TMEM132D: variants seen among roughly 807,000 people sequenced by gnomAD.
TMEM132D encodes the protein mature OL transmembrane protein.
Under a neutral mutation model 62.3 loss-of-function variants are expected in TMEM132D, and 21 were observed. That is an observed-to-expected ratio of 0.34 (90% CI 0.24 to 0.49). The LOEUF is 0.49. Among genes scored for constraint, TMEM132D ranks in the 20% least tolerant of loss-of-function variants. The pLI is 0.99. For synonymous variants in TMEM132D, 621 were observed against 575.6 expected (o/e 1.08, Z -1.13); for missense variants, 1,346 against 1,402.8 (o/e 0.96, Z 0.65).
At chr12:129,173,421 T>C (rs1200048511) in intron 5 of TMEM132D, among the ~76,000 whole-genome samples, 2 of 152,214 alleles carry the variant, frequency 1.3e-5, no homozygotes, top group Non-Finnish European at 2.9e-5. Context: ...TAATGATAGG[T>C]TATTTCTCAT....
intron 1 of TMEM132D, among the ~76,000 whole-genome samples, chr12:129,900,866 A>T (rs1309473835): frequency 2.6e-5 from 4 of 152,188 alleles, no homozygotes; most frequent in Non-Finnish European, 4.4e-5. Flanking sequence ...GTCATACCAT[A>T]CTTCCTAGGT....
intron 5 of TMEM132D, among the ~76,000 whole-genome samples, chr12:129,091,608 C>T (rs1385201084): frequency 6.6e-6 from 1 of 151,666 alleles, no homozygotes; most frequent in Non-Finnish European, 1.5e-5. Context: ...GAGACCCTAC[C>T]TATCCTCACT....
chr12:129,187,748 A>G (rs1878258192), intron 5 of TMEM132D, among the ~76,000 whole-genome samples: 1 of 152,188 alleles, frequency 6.6e-6, no homozygotes, highest in Admixed American at 6.5e-5. Context: ...ATCCTTCCAA[A>G]TAGGACAAAA....
chr12:129,780,353 G>A (rs1042000256), intron 1 of TMEM132D, among the ~76,000 whole-genome samples: 2 of 151,890 alleles, frequency 1.3e-5, no homozygotes, highest in South Asian at 2.1e-4. Context: ...GGGGGGCCGG[G>A]GGGGCACAAA....
At chr12:129,761,301 C>T (rs1870368024) in intron 1 of TMEM132D, among the ~76,000 whole-genome samples, 1 of 152,198 alleles carries the variant, frequency 6.6e-6, no homozygotes, top group African/African-American at 2.4e-5. Flanking sequence ...ACGGTGGGCA[C>T]GGTTCCTGCA....
At chr12:129,836,567 A>T (rs1873012581) in intron 1 of TMEM132D, among the ~76,000 whole-genome samples, 1 of 152,112 alleles carries the variant, frequency 6.6e-6, no homozygotes, top group Non-Finnish European at 1.5e-5. Flanking sequence ...ATATTACCCA[A>T]GTATATGCTA....
intron 5 of TMEM132D, among the ~76,000 whole-genome samples, chr12:129,112,828 G>T (rs892104395): frequency 6.6e-6 from 1 of 152,162 alleles, no homozygotes; most frequent in Non-Finnish European, 1.5e-5. Flanking sequence ...AACAGTGCTA[G>T]CTTAGAGAAT....
intron 3 of TMEM132D, among the ~76,000 whole-genome samples, chr12:129,488,864 C>G (rs1252028776): frequency 6.6e-6 from 1 of 152,016 alleles, no homozygotes; most frequent in Admixed American, 6.6e-5. Context: ...TCTCTTCTCC[C>G]CAAAGCACCT....
chr12:129,726,867 C>T (rs1214912866), intron 1 of TMEM132D, among the ~76,000 whole-genome samples: 2 of 152,126 alleles, frequency 1.3e-5, no homozygotes, highest in African/African-American at 4.8e-5. Flanking sequence ...AACTCTGGCC[C>T]TGAATAGCAG....
chr12:129,274,528 C>T (rs1880951213), intron 4 of TMEM132D, among the ~76,000 whole-genome samples: 1 of 152,072 alleles, frequency 6.6e-6, no homozygotes, highest in South Asian at 2.1e-4. Flanking sequence ...TTTTTTTAAA[C>T]AAAGAGCAGT....
At chr12:129,628,704 G>T (rs1367562672) in intron 2 of TMEM132D, among the ~76,000 whole-genome samples, 2 of 152,094 alleles carry the variant, frequency 1.3e-5, no homozygotes, top group African/African-American at 4.8e-5. Flanking sequence ...TGTTACTAAG[G>T]AAAAGCACAG....
chr12:129,153,176 G>T (rs1162155148), intron 5 of TMEM132D, among the ~76,000 whole-genome samples: 1 of 152,094 alleles, frequency 6.6e-6, no homozygotes, highest in East Asian at 1.9e-4. Flanking sequence ...CTGTTGTCCT[G>T]ACTGGACTTT....
At chr12:129,830,699 T>C (rs2137333672) in intron 1 of TMEM132D, among the ~76,000 whole-genome samples, 1 of 152,264 alleles carries the variant, frequency 6.6e-6, no homozygotes, top group Admixed American at 6.5e-5. Context: ...CACTCGTCCT[T>C]AACTTTGGGA....
At chr12:129,318,205 G>A (rs141545023) in intron 4 of TMEM132D, among the ~76,000 whole-genome samples, 1 of 152,154 alleles carries the variant, frequency 6.6e-6, no homozygotes, top group Non-Finnish European at 1.5e-5. Context: ...TTTCGAAGGG[G>A]TATTGAAGAG....
chr12:129,133,402 T>C (rs1876437930), intron 5 of TMEM132D, among the ~76,000 whole-genome samples: 1 of 152,224 alleles, frequency 6.6e-6, no homozygotes, highest in Non-Finnish European at 1.5e-5. Context: ...TAATCAAATA[T>C]TATTCAGCCT....
At chr12:129,829,667 C>A (rs906529999) in intron 1 of TMEM132D, among the ~76,000 whole-genome samples, 1 of 152,136 alleles carries the variant, frequency 6.6e-6, no homozygotes, top group Non-Finnish European at 1.5e-5. Flanking sequence ...AGGACTAAGT[C>A]TCAGGTGCGA....
In TMEM132D at chr12:129,295,641, C is replaced by G. The variant is rs138973716; in HGVS notation, c.1299+41993G>C. Among the ~76,000 whole-genome samples, 211 of 152,072 alleles carry G rather than the reference C, an allele frequency of 1.4e-3. 1 individual carries two copies. The highest frequency in any genetic ancestry group is 2.9e-3 in the Admixed American group (44 of 15,262). On this transcript the variant is annotated intron_variant, in intron 4 of 8. Coordinates refer to ENST00000422113, the MANE Select transcript of TMEM132D (RefSeq NM_133448.3). ...TAATAATTAGTTTTGTACACACACTCACACACTCTCACACATAAAAAGTCA... is the reference window on the plus strand; with the variant it reads ...TAATAATTAGTTTTGTACACACACTGACACACTCTCACACATAAAAAGTCA...
At chr12:129,441,377 G>A (rs77173045) in intron 3 of TMEM132D, among the ~76,000 whole-genome samples, 2,526 of 152,214 alleles carry the variant, frequency 0.017, 77 homozygotes, top group African/African-American at 0.058. Context: ...ACCATAAGAG[G>A]AACTGTTAAG....
At chr12:129,658,330 T>G (rs1234510188) in intron 2 of TMEM132D, among the ~76,000 whole-genome samples, 1 of 152,226 alleles carries the variant, frequency 6.6e-6, no homozygotes, top group Non-Finnish European at 1.5e-5. Context: ...TCATTTCTCC[T>G]ACAAAGCTTC....
Sources: gnomAD v4.1 joint callset for allele counts (sites outside exome capture counted in the v4.1 genomes callset) on GRCh38, gnomAD v4.1.1 for gene constraint, MANE v1.5 for transcripts, NCBI Gene and HGNC (gene_info 2026-07-23, HGNC 2026-07-21) for gene names.